The following OGDHL variants were observed in gnomAD, a reference collection of about 807,000 sequenced individuals.
The protein encoded by OGDHL is 2-oxoglutarate dehydrogenase-like, mitochondrial.
A neutral mutation model predicts 109.6 loss-of-function variants in OGDHL; 79 were observed. That is an observed-to-expected ratio of 0.72 (90% CI 0.60 to 0.87). The LOEUF (loss-of-function observed/expected upper bound fraction) is 0.87. OGDHL is among the 40% of genes least tolerant of loss of function. The pLI is 0.00. For missense variants in OGDHL, 1,275 were observed against 1,362.2 expected, an observed-to-expected ratio of 0.94 and a Z score of 1.01; for synonymous variants, 528 against 537.2, an observed-to-expected ratio of 0.98 and a Z score of 0.24.
At chr10:49,756,160 C>A (rs2133092851) in intron 3 of OGDHL, among the ~76,000 whole-genome samples, 1 of 152,332 alleles carries the variant, frequency 6.6e-6, no homozygotes, top group East Asian at 1.9e-4. Flanking sequence ...GGAATACCTC[C>A]TGCCAGCAGT....
intron 1 of OGDHL, among the ~76,000 whole-genome samples, chr10:49,759,641 CAT>C (rs1564565208): frequency 6.6e-6 from 1 of 152,134 alleles, no homozygotes; most frequent in African/African-American, 2.4e-5. Context: ...TCATCCTACA[CAT>C]GATGTGTAAA....
intron 10 of OGDHL, 142 bp downstream of exon 10, chr10:49,746,608 G>C (rs1842201569): frequency 7.2e-6 from 8 of 1,108,786 alleles, no homozygotes; most frequent in Middle Eastern, 4.3e-4. Context: ...GGACACCAAG[G>C]CTGGAAAGAG....
chr10:49,738,168 C>T (rs760087579), intron 18 of OGDHL, 23 bp downstream of exon 18: 13 of 1,614,024 alleles, frequency 8.1e-6, no homozygotes, highest in African/African-American at 1.3e-5. Flanking sequence ...CGTCCCTGTC[C>T]TGGGGACAGC....
chr10:49,749,733 GC>G lies in OGDHL; in HGVS notation c.979del (p.Ala327ArgfsTer87). 1 of 1,589,510 alleles carries G rather than the reference GC, an allele frequency of 6.3e-7. No individual in the cohort carries two copies. Among genetic ancestry groups the G allele is most frequent in the Non-Finnish European group, 8.5e-7 (1 of 1,172,516 alleles). ...CCTGGGCATGGCACCCACCTCGTCC[GC>G]CGCCTCCAGCTTGGGGTCAAACTGG... The part of the protein sequence containing the change: ...FCQFDPKLEA[A>X]DEGSGDVKYH... On this transcript the variant is annotated frameshift_variant, in exon 8 of 23. Transcript: ENST00000374103. LOFTEE classifies it high-confidence loss of function.
intron 7 of OGDHL, 27 bp from the exon 8 acceptor site, chr10:49,749,843 C>A (rs1243152618): frequency 1.3e-6 from 2 of 1,561,370 alleles, no homozygotes; most frequent in African/African-American, 2.7e-5. Context: ...CGGGCTCTCA[C>A]CTGGCAAAGC....
chr10:49,745,636 T>C lies in OGDHL; in HGVS notation c.1477-140A>G, dbSNP rs1842125228. The C allele has an allele frequency of 1.6e-5, 21 of 1,307,750 alleles. No individual in the cohort carries two copies. In the South Asian group the frequency reaches 2.3e-4, roughly 14 times the overall value. 81.0% of individuals were successfully genotyped at this position (1,307,750 alleles called of 1,614,324 possible). A position where few individuals can be genotyped will look rare whatever the true frequency, so the allele number is the denominator to read the frequency against. The stretch of plus-strand genomic sequence containing the variant: ...CCACTATCACCTATCACCGAATGAA[T>C]GTCCCGTCCCAGGCCTTTGCACAGA... On this transcript the variant is annotated intron_variant, in intron 11 of 22. Transcript: ENST00000374103.
Position 49,747,152 on chromosome 10 carries a change from G to A in OGDHL, c.1044C>T (p.Val348=). The A allele has an allele frequency of 1.2e-6, 2 of 1,614,236 alleles. No homozygotes were observed. Among genetic ancestry groups the A allele is most frequent in the Non-Finnish European group, 1.7e-6 (2 of 1,180,038 alleles). Residue 348 remains valine (V), a synonymous_variant, in exon 9 of 23, where the codon GTC becomes GTT. Coordinates refer to ENST00000374103, the MANE Select transcript of OGDHL (RefSeq NM_018245.3). ...GCGACAGAGTGATGTTCCGGTTGGTGACGCGGTTGATCCTCTCATGGTACA... is the reference window on the plus strand; with the variant it reads ...GCGACAGAGTGATGTTCCGGTTGGTAACGCGGTTGATCCTCTCATGGTACA... ...LGMYHERINR[V]TNRNITLSLV... is the part of the protein sequence containing the mutation.
intron 10 of OGDHL, 132 bp downstream of exon 10, chr10:49,746,618 G>C: frequency 8.3e-7 from 1 of 1,201,248 alleles, no homozygotes; most frequent in Non-Finnish European, 1.2e-6. Context: ...GCTGGAAAGA[G>C]CAGGGTCCTG....
Position 49,750,998 on chromosome 10 carries a change from A to G in OGDHL, c.750-13T>C. On this transcript the variant is annotated splice_polypyrimidine_tract_variant and intron_variant, in intron 6 of 22. Coordinates refer to ENST00000374103, the MANE Select transcript of OGDHL (RefSeq NM_018245.3). ...GAAGTCTTCAAACCTGCTTGGGGAGAGGATGGGAAGAGGAAAGGGAAAGGG... is the reference window on the plus strand; with the variant it reads ...GAAGTCTTCAAACCTGCTTGGGGAGGGGATGGGAAGAGGAAAGGGAAAGGG... 1 of 1,584,808 alleles carries G rather than the reference A, an allele frequency of 6.3e-7. No individual in the cohort carries two copies.
At chr10:49,735,883 C>T in intron 22 of OGDHL, 140 bp downstream of exon 22, 2 of 940,018 alleles carry the variant, frequency 2.1e-6, no homozygotes, top group Non-Finnish European at 1.5e-6. Flanking sequence ...AACACAAAGC[C>T]AGTACTGATG....
chr10:49,747,242 C>G, intron 8 of OGDHL, 34 bp from the exon 9 acceptor site: 1 of 1,603,880 alleles, frequency 6.2e-7, no homozygotes, highest in East Asian at 2.2e-5. Flanking sequence ...ATGGATCCTC[C>G]CCTCCCACAT....
rs1231785269 is a variant in OGDHL at position 49,742,959 on chromosome 10, C to T, written c.1881G>A (p.Arg627=). ...GGTTCTTGGTCATGTCCGCACGGCC[C>T]CGCAGAATGCGAGAGAGGCCTGTGG... The part of the protein sequence containing the change: ...KIHTGLSRIL[R]GRADMTKNRT... The change falls in exon 15 of 23, where the codon CGG becomes CGA. Residue 627 remains arginine, a synonymous_variant. Transcript: ENST00000374103. The T allele has an allele frequency of 6.2e-7, 1 of 1,613,504 alleles. No individual in the cohort carries two copies. The highest frequency in any genetic ancestry group is 1.7e-5 in the Admixed American group (1 of 60,028).
chr10:49,740,495 C>T (rs1357683190), intron 16 of OGDHL, among the ~76,000 whole-genome samples: 1 of 152,202 alleles, frequency 6.6e-6, no homozygotes, highest in South Asian at 2.1e-4. Flanking sequence ...GAGGTCCCCC[C>T]AACTGGGATC....
chr10:49,745,484 G>A lies in OGDHL; in HGVS notation c.1489C>T (p.Arg497Trp), dbSNP rs765354186. The part of the protein sequence containing the change: ...DVVVDLVCYR[R>W]RGHNEMDEPM... ...TCGTCCATCTCATTGTGGCCACGCC[G>A]GCGGTAACAGACCTGCAGGAGCAGC... is the stretch of plus-strand genomic sequence containing the variant. Residue 497 changes from arginine to tryptophan, a missense_variant, in exon 12 of 23, where the codon CGG (arginine) becomes TGG (tryptophan). Coordinates refer to ENST00000374103, the MANE Select transcript of OGDHL (RefSeq NM_018245.3). 16 of 1,613,792 alleles carry A rather than the reference G, an allele frequency of 9.9e-6. No individual in the cohort carries two copies. Among genetic ancestry groups the A allele is most frequent in the South Asian group, 2.2e-5 (2 of 91,088 alleles).
chr10:49,744,587 T>C, intron 13 of OGDHL, 63 bp downstream of exon 13: 1 of 1,314,950 alleles, frequency 7.6e-7, no homozygotes, highest in Non-Finnish European at 1.1e-6. Flanking sequence ...ATTCCAGTCC[T>C]GATCCCAGTG....
At chr10:49,742,107 A>T (rs1841745413) in intron 15 of OGDHL, among the ~76,000 whole-genome samples, 1 of 123,662 alleles carries the variant, frequency 8.1e-6, no homozygotes. Context: ...ACCCTCACAC[A>T]CATTACACAC....
At chr10:49,742,074 CACCCCACACAT>C (rs1841734558) in intron 15 of OGDHL, among the ~76,000 whole-genome samples, 1 of 86,074 alleles carries the variant, frequency 1.2e-5, no homozygotes. Context: ...ACACACCACA[CACCCCACACAT>C]ACCACACAAA....
At chr10:49,756,370 A>T (rs1842914618) in intron 3 of OGDHL, among the ~76,000 whole-genome samples, 1 of 152,294 alleles carries the variant, frequency 6.6e-6, no homozygotes, top group Non-Finnish European at 1.5e-5. Flanking sequence ...TTCATTCCAT[A>T]AACATGAATT....
chr10:49,756,095 G>GC (rs1842898103), intron 3 of OGDHL, among the ~76,000 whole-genome samples: 1 of 152,232 alleles, frequency 6.6e-6, no homozygotes, highest in African/African-American at 2.4e-5. Flanking sequence ...ATTTGCTAAT[G>GC]CCCCCCTGTA....
Sources: allele counts gnomAD v4.1 joint callset (sites outside exome capture counted in the v4.1 genomes callset), GRCh38; gene constraint gnomAD v4.1.1; transcripts MANE v1.5; gene names NCBI Gene and HGNC (gene_info 2026-07-23, HGNC 2026-07-21).